The following DAB1 variants were observed in gnomAD, a reference collection of about 807,000 sequenced individuals.
DAB1 encodes the protein disabled homolog 1.
A neutral mutation model predicts 64.6 loss-of-function variants in DAB1; 15 were observed. The ratio of observed to expected loss-of-function variants is 0.23; its 90% CI spans 0.16 to 0.36. The LOEUF is 0.36. DAB1 is among the 10% of genes least tolerant of loss of function. The pLI, the probability that DAB1 is intolerant of heterozygous loss-of-function variation, is 1.00. For missense variants in DAB1, 596 were observed against 706.7 expected (o/e 0.84, Z 1.78); for synonymous variants, 235 against 251.9 (o/e 0.93, Z 0.64).
rs114004768 is a variant in DAB1, at chr1:58,439,731, T to C, written n.257+66329A>G. Among the ~76,000 whole-genome samples the C allele has an allele frequency of 4.8e-3, 734 of 152,314 alleles. 3 individuals carry two copies. The highest frequency in any genetic ancestry group is 0.017 in the African/African-American group (709 of 41,566). Reference sequence around the variant, plus strand: ...ACAGCTAGTAAGTGACAGAGAAAGATTCAAACTCAGGCAATGTTGACTCCA... The same window carrying C: ...ACAGCTAGTAAGTGACAGAGAAAGACTCAAACTCAGGCAATGTTGACTCCA... On this transcript the variant is annotated intron_variant and non_coding_transcript_variant, in intron 3 of 20. Transcript: ENST00000485760.
chr1:57,475,712 G>A (rs1377207165), intron 7 of DAB1, among the ~76,000 whole-genome samples: 2 of 152,164 alleles, frequency 1.3e-5, no homozygotes, highest in African/African-American at 4.8e-5. Context: ...CCTAAGTCCA[G>A]GCCTTTCACT....
intron 4 of DAB1, among the ~76,000 whole-genome samples, chr1:58,155,681 T>C (rs1002277007): frequency 1.3e-4 from 20 of 152,158 alleles, no homozygotes; most frequent in African/African-American, 4.8e-4. Context: ...GGTCCGGCTA[T>C]CAGAGCAAGC....
At position 57,015,162 on chromosome 1, in the gene DAB1, T is replaced by C; in HGVS notation, c.1165A>G (p.Thr389Ala). The C allele has an allele frequency of 6.2e-7, 1 of 1,614,038 alleles. No individual in the cohort carries two copies. The highest frequency in any genetic ancestry group is 8.5e-7 in the Non-Finnish European group (1 of 1,179,986). Residue 389 changes from threonine (T) to alanine (A), a missense_variant, in exon 12 of 15, where the codon ACC (threonine) becomes GCC (alanine). Around this residue, in one of 3 missense-constraint regions of DAB1, gnomAD observed 377 missense variants for 400.4 expected, o/e 0.94. Transcript: ENST00000371236. The stretch of plus-strand genomic sequence containing the variant: ...GTGGAGTCACTCGTGCCTGGGACGG[T>C]GGCAAGGGGGGTGAGGGGACCTTGG... ...MFQGPLTPLA[T>A]VPGTSDSTRS... is the part of the protein sequence containing the mutation.
At chr1:58,070,632 G>A (rs1649177608) in intron 5 of DAB1, among the ~76,000 whole-genome samples, 1 of 152,222 alleles carries the variant, frequency 6.6e-6, no homozygotes, top group African/African-American at 2.4e-5. Flanking sequence ...AGGCAAAGGA[G>A]GATGAAGTAC....
At chr1:57,745,349 A>T (rs1437241138) in intron 6 of DAB1, among the ~76,000 whole-genome samples, 1 of 152,210 alleles carries the variant, frequency 6.6e-6, no homozygotes, top group East Asian at 1.9e-4. Context: ...TTAAATACAC[A>T]AAAGTGAAAT....
chr1:58,265,291 A>G (rs1261283944), intron 4 of DAB1, among the ~76,000 whole-genome samples: 1 of 152,236 alleles, frequency 6.6e-6, no homozygotes, highest in Non-Finnish European at 1.5e-5. Flanking sequence ...AGATTGGTCT[A>G]AAGGCAAATC....
intron 2 of DAB1, among the ~76,000 whole-genome samples, chr1:57,187,013 C>T (rs1198538466): frequency 6.6e-6 from 1 of 152,040 alleles, no homozygotes; most frequent in Non-Finnish European, 1.5e-5. Flanking sequence ...ATTGTCCCCC[C>T]AAAAAGATGG....
At chr1:57,926,985 G>T (rs140541281) in intron 5 of DAB1, among the ~76,000 whole-genome samples, 4 of 152,260 alleles carry the variant, frequency 2.6e-5, no homozygotes, top group Non-Finnish European at 4.4e-5. Flanking sequence ...GTGACAGGAG[G>T]TTATGAACTT....
At chr1:58,490,271 T>C (rs951319123) in intron 3 of DAB1, among the ~76,000 whole-genome samples, 4 of 152,110 alleles carry the variant, frequency 2.6e-5, no homozygotes, top group Non-Finnish European at 5.9e-5. Flanking sequence ...CTGAAAACCA[T>C]GGCACAAGAA....
At chr1:58,374,993 G>A (rs989841148) in intron 3 of DAB1, among the ~76,000 whole-genome samples, 3 of 137,178 alleles carry the variant, frequency 2.2e-5, no homozygotes, top group African/African-American at 8.5e-5. Context: ...TCTGTTGTTG[G>A]TGTATAGGAA....
chr1:57,768,924 C>A (rs988192266), intron 6 of DAB1, among the ~76,000 whole-genome samples: 3 of 152,062 alleles, frequency 2.0e-5, no homozygotes, highest in African/African-American at 7.2e-5. Flanking sequence ...CTCTTTTCCA[C>A]CAAAATTGCT....
At chr1:58,012,103 A>G (rs1356335458) in intron 5 of DAB1, among the ~76,000 whole-genome samples, 1 of 152,204 alleles carries the variant, frequency 6.6e-6, no homozygotes, top group Non-Finnish European at 1.5e-5. Context: ...GAGATGAGTC[A>G]CAAACTGTTT....
chr1:57,158,541 C>T (rs190340946), intron 2 of DAB1, among the ~76,000 whole-genome samples: 29 of 152,252 alleles, frequency 1.9e-4, no homozygotes, highest in African/African-American at 7.0e-4. Flanking sequence ...CTGAAAGAGC[C>T]CTATTGTCTG....
chr1:57,432,688 TATATGAGCCA>T (rs1316623085), intron 7 of DAB1, among the ~76,000 whole-genome samples: 1 of 152,216 alleles, frequency 6.6e-6, no homozygotes, highest in South Asian at 2.1e-4. Context: ...ATTTTTCTGT[TATATGAGCCA>T]ATATGTCCCC....
intron 5 of DAB1, among the ~76,000 whole-genome samples, chr1:57,988,251 G>A (rs141519527): frequency 2.6e-5 from 4 of 152,268 alleles, no homozygotes; most frequent in Admixed American, 6.5e-5. Flanking sequence ...GTTACTTAAC[G>A]AGAGGCAGGC....
intron 3 of DAB1, among the ~76,000 whole-genome samples, chr1:58,470,597 C>T (rs1289820402): frequency 1.3e-5 from 2 of 152,194 alleles, no homozygotes; most frequent in Non-Finnish European, 2.9e-5. Context: ...GAAGCACTGT[C>T]TCATCACCAA....
At chr1:58,043,393 T>TA (rs1452080991) in intron 5 of DAB1, among the ~76,000 whole-genome samples, 1 of 151,698 alleles carries the variant, frequency 6.6e-6, no homozygotes, top group African/African-American at 2.4e-5. Context: ...ATTTCAAGTT[T>TA]AAAAAAAAGA....
intron 2 of DAB1, among the ~76,000 whole-genome samples, chr1:57,164,173 T>A (rs534871433): frequency 6.6e-6 from 1 of 152,012 alleles, no homozygotes; most frequent in African/African-American, 2.4e-5. Context: ...TAAATATGAG[T>A]TCCTTTCCTT....
At chr1:57,546,511 C>G (rs529725573) in intron 7 of DAB1, among the ~76,000 whole-genome samples, 3 of 152,120 alleles carry the variant, frequency 2.0e-5, no homozygotes, top group African/African-American at 7.2e-5. Flanking sequence ...ACTTTTTGAG[C>G]CTTAGTTTTT....
Sources: allele counts gnomAD v4.1 joint callset (sites outside exome capture counted in the v4.1 genomes callset), GRCh38; gene constraint gnomAD v4.1.1; regional missense constraint gnomAD v4.1.1; transcripts MANE v1.5; gene names NCBI Gene and HGNC (gene_info 2026-07-23, HGNC 2026-07-21).